The following ACOX3 variants were observed in gnomAD, a reference collection of about 807,000 sequenced individuals.
ACOX3 encodes the protein acyl-CoA oxidase 3, pristanoyl.
Under a neutral mutation model 81.5 loss-of-function variants are expected in ACOX3, and 73 were observed. That is an observed-to-expected ratio of 0.90 (90% CI 0.74 to 1.09). The LOEUF (loss-of-function observed/expected upper bound fraction) is 1.09. ACOX3 is among the 50% of genes least tolerant of loss of function. ACOX3 has a pLI of 0.00. For synonymous variants in ACOX3, 387 were observed against 375.1 expected (o/e 1.03, Z -0.37); for missense variants, 947 against 928.0 (o/e 1.02, Z -0.27).
intron 1 of ACOX3, among the ~76,000 whole-genome samples, chr4:8,439,623 G>C (rs1724473011): frequency 6.6e-6 from 1 of 152,192 alleles, no homozygotes; most frequent in Non-Finnish European, 1.5e-5. Context: ...AAACTAACCT[G>C]CTTAGGACAT....
intron 3 of ACOX3, 75 bp from the exon 4 acceptor site, chr4:8,415,003 C>A (rs1722164759): frequency 7.7e-7 from 1 of 1,292,778 alleles, no homozygotes. Flanking sequence ...TCACAACAGA[C>A]AACGGCACTC....
chr4:8,373,571 A>C lies in ACOX3; in HGVS notation c.1886T>G (p.Leu629Trp). 5.0e-6 allele frequency: 8 copies of C among 1,613,846 alleles called. No individual in the cohort carries two copies. The South Asian group carries it at 7.7e-5, about 16-fold the overall frequency. The change falls in exon 16 of 18, where the codon TTG becomes TGG. Residue 629 changes from leucine (L) to tryptophan (W), a missense_variant. Physicochemically the swap from Leu to Trp is moderately conservative, Grantham distance 61 (BLOSUM62 -2). Transcript: ENST00000356406. ...GCACCCACGGCTCACCTGGGAACAC[A>C]AAGCCAGGACGGCGCTCTCCAACAC... Reference protein sequence around the residue: ...GEVLESAVLALCSQLKDDAVA... With the variant: ...GEVLESAVLAWCSQLKDDAVA...
chr4:8,375,231 A>T lies in ACOX3; in HGVS notation c.1654-79T>A. 3 of 1,396,502 alleles carry T rather than the reference A, an allele frequency of 2.1e-6. No individual in the cohort carries two copies. In the South Asian group the frequency reaches 4.2e-5, roughly 19 times the overall value. The allele number at this position is 1,396,502 out of a possible 1,614,324, so 86.5% of individuals were successfully genotyped here. A position where few individuals can be genotyped will look rare whatever the true frequency, so the allele number is the denominator to read the frequency against. On this transcript the variant is annotated intron_variant, in intron 14 of 17. Coordinates refer to ENST00000356406, the MANE Select transcript of ACOX3 (RefSeq NM_003501.3). ...TTCCCGGGGGAGGAAGTTCTCAGGA[A>T]ACACGAACGCGGGTCTGCGTTCCCG...
At chr4:8,369,013 G>A (rs540785088) in intron 17 of ACOX3, among the ~76,000 whole-genome samples, 129 of 152,250 alleles carry the variant, frequency 8.5e-4, no homozygotes, top group African/African-American at 3.0e-3. Flanking sequence ...TCCTGCCAGC[G>A]ACACCTCCAG....
In ACOX3 at chr4:8,387,808, C is replaced by T. The variant is rs933726415; in HGVS notation, c.1537+1365G>A. ...TCCTCGCTCCGCCCCTCCCTGCGCT[C>T]AGGCAGCTGGCACCAAGGGAGCCTT... On this transcript the variant is annotated intron_variant, in intron 13 of 17. Transcript: ENST00000356406. 1.7e-4 allele frequency among the ~76,000 whole-genome samples: 26 copies of T among 152,318 alleles called. 1 individual carries two copies. Among genetic ancestry groups the T allele is most frequent in the African/African-American group, 6.0e-4 (25 of 41,564 alleles).
At chr4:8,422,765 G>A (rs1486884019) in intron 1 of ACOX3, among the ~76,000 whole-genome samples, 2 of 152,236 alleles carry the variant, frequency 1.3e-5, no homozygotes, top group African/African-American at 2.4e-5. Flanking sequence ...GGGGAGGAGA[G>A]CATCTTACTT....
In ACOX3 at chr4:8,389,071, G is replaced by A. The variant is rs530752406; in HGVS notation, c.1537+102C>T. ...GGCCTCCCACCACCACTGCTGCCCC[G>A]GCTGGAACTGCCAAGGGTCCCCTCA... On this transcript the variant is annotated intron_variant, in intron 13 of 17. Coordinates refer to ENST00000356406, the MANE Select transcript of ACOX3 (RefSeq NM_003501.3). This position sits in a 1 kb window ranked among gnomAD's most constrained non-coding sequence, Gnocchi z 5.3. The A allele has an allele frequency of 6.6e-5, 60 of 915,500 alleles. No homozygotes were observed. Among genetic ancestry groups the A allele is most frequent in the Admixed American group, 1.9e-4 (9 of 47,256 alleles). The allele number at this position is 915,500 out of a possible 1,614,324, so 56.7% of individuals were successfully genotyped here.
chr4:8,382,768 G>C lies in ACOX3; in HGVS notation c.1538-1161C>G, dbSNP rs889226119. On this transcript the variant is annotated intron_variant, in intron 13 of 17. Coordinates refer to ENST00000356406, the MANE Select transcript of ACOX3 (RefSeq NM_003501.3). The surrounding 1 kb of genome is among the most constrained non-coding windows in gnomAD (Gnocchi z 4.1). ...AGCACTTTGGGAGGCAGAGGCGGGC[G>C]GATCACGAGGTCAGGAGATCGAGAC... Among the ~76,000 whole-genome samples the C allele has an allele frequency of 1.3e-5, 2 of 151,996 alleles. No individual in the cohort carries two copies. The highest frequency in any genetic ancestry group is 4.8e-5 in the African/African-American group (2 of 41,406).
Position 8,371,002 on chromosome 4 carries a change from A to C in ACOX3, c.1897-8T>G, listed in dbSNP as rs764311483. 6.2e-7 allele frequency: 1 copy of C among 1,613,720 alleles called. No homozygotes were observed. The highest frequency in any genetic ancestry group is 1.7e-5 in the Admixed American group (1 of 60,004). ...AACTGCATCGTCTTTCAGCTGTTGG[A>C]AAACAAAGCCCAGACACTTGGCACC... On this transcript the variant is annotated splice_region_variant and splice_polypyrimidine_tract_variant and intron_variant, in intron 16 of 17. Transcript: ENST00000356406.
At position 8,389,871 on chromosome 4, in the gene ACOX3, G is replaced by A. The variant is rs559673077; in HGVS notation, c.1301-137C>T. On this transcript the variant is annotated intron_variant, in intron 11 of 17. Coordinates refer to ENST00000356406, the MANE Select transcript of ACOX3 (RefSeq NM_003501.3). This position sits in a 1 kb window ranked among gnomAD's most constrained non-coding sequence, Gnocchi z 5.3. ...TGTAATGGCAGCACTTTGGGGGGCC[G>A]AGGCGGGTGGATCACTTGAAGCCAG... The A allele has an allele frequency of 4.0e-4, 452 of 1,120,654 alleles. 5 individuals carry two copies. The highest frequency in any genetic ancestry group is 1.6e-3 in the South Asian group (116 of 70,602). The allele number at this position is 1,120,654 out of a possible 1,614,324, so 69.4% of individuals were successfully genotyped here.
chr4:8,414,762 G>A lies in ACOX3; in HGVS notation c.453+92C>T, dbSNP rs906458450. On this transcript the variant is annotated intron_variant, in intron 4 of 17. Coordinates refer to ENST00000356406, the MANE Select transcript of ACOX3 (RefSeq NM_003501.3). The surrounding 1 kb of genome is among the most constrained non-coding windows in gnomAD (Gnocchi z 6.1). ...AACAAGAAGAGCATAAGCCCCCTGG[G>A]CACCCCCTTCTACAATCTTCTCTTT... 2 of 1,299,426 alleles carry A rather than the reference G, an allele frequency of 1.5e-6. No homozygotes were observed. Among genetic ancestry groups the A allele is most frequent in the African/African-American group, 1.5e-5 (1 of 68,122 alleles). The allele number at this position is 1,299,426 out of a possible 1,614,324, so 80.5% of individuals were successfully genotyped here.
chr4:8,361,189 C>T, the ACOX3 span, among the ~76,000 whole-genome samples: 8 of 151,700 alleles, frequency 5.3e-5, no homozygotes, highest in South Asian at 4.2e-4. Context: ...TTTGGGAGGC[C>T]GAGGTGGGCG....
intron 1 of ACOX3, chr4:8,428,501 C>G (rs1723737379): frequency 6.6e-6 from 1 of 152,338 alleles, no homozygotes; most frequent in Non-Finnish European, 1.5e-5. Context: ...GGGGCGGAGC[C>G]GCGGGCGCCC....
At chr4:8,374,580 A>T (rs914143904) in intron 15 of ACOX3, 1 of 183,414 alleles carries the variant, frequency 5.5e-6, no homozygotes, top group Admixed American at 6.2e-5. Flanking sequence ...ATCCTCCAGG[A>T]ATCAGCCCCA....
Position 8,389,511 on chromosome 4 carries a change from T to G in ACOX3, c.1423+101A>C. 6.4e-7 allele frequency: 1 copy of G among 1,555,368 alleles called. No homozygotes were observed. Among genetic ancestry groups the G allele is most frequent in the African/African-American group, 1.4e-5 (1 of 73,810 alleles). On this transcript the variant is annotated intron_variant, in intron 12 of 17. Transcript: ENST00000356406. The surrounding 1 kb of genome is among the most constrained non-coding windows in gnomAD (Gnocchi z 5.3). ...TAACATTTCTTTCCTTCTGCAAACC[T>G]AGGATGCATTCACAGAACAGCTGAA...
At position 8,432,932 on chromosome 4, in the gene ACOX3, T is replaced by C. The variant is rs901128402; in HGVS notation, c.-15+7716A>G. ...TTCCCATAAATCTAATTTAAATCAG[T>C]TCCCTAGTTGCACTAGCTGCACTCA... is the stretch of plus-strand genomic sequence containing the variant. On this transcript the variant is annotated intron_variant, in intron 1 of 17. Coordinates refer to ENST00000356406, the MANE Select transcript of ACOX3 (RefSeq NM_003501.3). The surrounding 1 kb of genome is among the most constrained non-coding windows in gnomAD (Gnocchi z 6.2). Among the ~76,000 whole-genome samples, 13 of 152,256 alleles carry C rather than the reference T, an allele frequency of 8.5e-5. No individual in the cohort carries two copies. Among genetic ancestry groups the C allele is most frequent in the African/African-American group, 2.7e-4 (11 of 41,476 alleles).
At position 8,400,370 on chromosome 4, in the gene ACOX3, T is replaced by C. The variant is rs1452302134; in HGVS notation, c.777-718A>G. Among the ~76,000 whole-genome samples, 2 of 152,198 alleles carry C rather than the reference T, an allele frequency of 1.3e-5. No individual in the cohort carries two copies. Among genetic ancestry groups the C allele is most frequent in the Non-Finnish European group, 2.9e-5 (2 of 68,040 alleles). On this transcript the variant is annotated intron_variant, in intron 7 of 17. Transcript: ENST00000356406. This position sits in a 1 kb window ranked among gnomAD's most constrained non-coding sequence, Gnocchi z 4.4. ...AAGACGGGAACTGTGTTTCCAAAGA[T>C]TGGAATCTCTGATTCTCATATTTCA...
At chr4:8,366,037 G>A (rs753979413), downstream of ACOX3, among the ~76,000 whole-genome samples, 17 of 152,180 alleles carry the variant, frequency 1.1e-4, no homozygotes, top group Non-Finnish European at 1.3e-4. Context: ...AAGGCCTTCC[G>A]TGCCCTGAGC....
rs114434082 is a variant in ACOX3, at chr4:8,406,502, G to A, written c.688-459C>T. On this transcript the variant is annotated intron_variant, in intron 6 of 17. Coordinates refer to ENST00000356406, the MANE Select transcript of ACOX3 (RefSeq NM_003501.3). The surrounding 1 kb of genome is among the most constrained non-coding windows in gnomAD (Gnocchi z 5.6). ...AAGACAAAGAGATAAAAGAAAAGAC[G>A]GCTGGGTCCGGGGGACCACTACCAC... 0.015 allele frequency among the ~76,000 whole-genome samples: 2,181 copies of A among 150,300 alleles called. 57 individuals are homozygous for A. Among genetic ancestry groups the A allele is most frequent in the African/African-American group, 0.051 (2,068 of 40,826 alleles).
Sources: allele counts gnomAD v4.1 joint callset (sites outside exome capture counted in the v4.1 genomes callset), GRCh38; gene constraint gnomAD v4.1.1; non-coding constraint Gnocchi (gnomAD v3.1); transcripts MANE v1.5; gene names NCBI Gene and HGNC (gene_info 2026-07-23, HGNC 2026-07-21).